The following ANK2 variants were observed in gnomAD, a reference collection of about 807,000 sequenced individuals.
The protein encoded by ANK2 is ankyrin 2, also known as ankyrin-2.
In ANK2, 83 loss-of-function variants were observed where a neutral mutation model predicts 360.5. That is an observed-to-expected ratio of 0.23 (90% CI 0.19 to 0.28). The LOEUF is 0.28. Among genes scored for constraint, ANK2 ranks in the 10% least tolerant of loss-of-function variants. The probability of loss-of-function intolerance (pLI) is 1.00; values close to 1 mark genes in which losing one functional copy is unlikely to be tolerated. For synonymous variants in ANK2, 1,740 were observed against 1,759.5 expected, an observed-to-expected ratio of 0.99 and a Z score of 0.28; for missense variants, 4,201 against 4,795.7, an observed-to-expected ratio of 0.88 and a Z score of 3.66.
intron 2 of ANK2, among the ~76,000 whole-genome samples, chr4:112,955,375 G>T (rs1374916606): frequency 1.3e-5 from 2 of 152,108 alleles, no homozygotes; most frequent in African/African-American, 4.8e-5. Context: ...CGAGGCAAAA[G>T]TGTTAATAGT....
At chr4:112,852,711 A>G (rs1267427772) in intron 1 of ANK2, among the ~76,000 whole-genome samples, 4 of 152,210 alleles carry the variant, frequency 2.6e-5, no homozygotes, top group Admixed American at 1.3e-4. Flanking sequence ...CTTCTGATGC[A>G]TTCCTTGTTG....
intron 40 of ANK2, 40 bp downstream of exon 40, chr4:113,363,509 C>A (rs755658945): frequency 6.2e-7 from 1 of 1,611,716 alleles, no homozygotes; most frequent in Non-Finnish European, 8.5e-7. Context: ...TAAAGTTGGA[C>A]ATGTCTTGCT....
In ANK2 at chr4:113,377,970, T is replaced by A. The variant is rs1589432157; in HGVS notation, c.11860-3487T>A. ...AACTTAAGTCTGCTTCTAGGAATTG[T>A]ATTTATTTATCGTTTCAAGTATATC... is the stretch of plus-strand genomic sequence containing the variant. On this transcript the variant is annotated intron_variant, in intron 45 of 45. Coordinates refer to ENST00000357077, the MANE Select transcript of ANK2 (RefSeq NM_001148.6). 1.3e-5 allele frequency: 4 copies of A among 300,638 alleles called. No individual in the cohort carries two copies. The South Asian group carries it at 1.5e-4, about 11-fold the overall frequency. The allele number at this position is 300,638 out of a possible 1,614,324, so 18.6% of individuals were successfully genotyped here.
At chr4:112,791,278 G>A in the ANK2 span, among the ~76,000 whole-genome samples, 4 of 152,130 alleles carry the variant, frequency 2.6e-5, no homozygotes, top group Admixed American at 2.0e-4. Context: ...CCCACAGTAG[G>A]AGAGGATTGC....
intron 1 of ANK2, among the ~76,000 whole-genome samples, chr4:112,863,853 A>G (rs973929559): frequency 2.0e-5 from 3 of 152,096 alleles, no homozygotes; most frequent in Admixed American, 6.5e-5. Flanking sequence ...TTTTTGATGT[A>G]GTGATGACTA....
the ANK2 span, among the ~76,000 whole-genome samples, chr4:112,733,420 T>C: frequency 6.6e-6 from 1 of 152,200 alleles, no homozygotes; most frequent in African/African-American, 2.4e-5. Context: ...CTGCTCCATA[T>C]GTAGCCCATA....
chr4:112,958,500 A>G (rs190362775), intron 2 of ANK2, among the ~76,000 whole-genome samples: 3,310 of 152,212 alleles, frequency 0.022, 128 homozygotes, highest in African/African-American at 0.074. Context: ...AGGCTGAGGC[A>G]GGAGAATCAG....
chr4:113,169,597 G>A (rs1054042612), intron 1 of ANK2, among the ~76,000 whole-genome samples: 3 of 152,146 alleles, frequency 2.0e-5, no homozygotes, highest in Admixed American at 6.6e-5. Context: ...CAGAGACTGT[G>A]ACGGGGGAGG....
At chr4:113,287,276 C>T (rs1209486631) in intron 18 of ANK2, among the ~76,000 whole-genome samples, 1 of 152,102 alleles carries the variant, frequency 6.6e-6, no homozygotes, top group African/African-American at 2.4e-5. Flanking sequence ...GTTGATACAG[C>T]GGGACATCCA....
At chr4:112,716,794 G>A in the ANK2 span, among the ~76,000 whole-genome samples, 1 of 152,126 alleles carries the variant, frequency 6.6e-6, no homozygotes, top group African/African-American at 2.4e-5. Context: ...ATACAAGAAT[G>A]TGGTAATAAC....
At chr4:113,019,306 T>C (rs1180727577) in intron 2 of ANK2, among the ~76,000 whole-genome samples, 1 of 152,218 alleles carries the variant, frequency 6.6e-6, no homozygotes, top group Non-Finnish European at 1.5e-5. Context: ...GTAAATAGAA[T>C]TATAAGCATA....
In ANK2 at chr4:113,311,260, G is replaced by A; in HGVS notation, c.2554G>A (p.Asp852Asn). Residue 852 changes from aspartate to asparagine, a missense_variant, in exon 24 of 46, where the codon GAC (aspartate) becomes AAC (asparagine). By Grantham distance (23) the Asp-to-Asn change is conservative. This residue lies in a region of ANK2 where 1,268 missense variants were observed against 1,650.8 expected (regional missense o/e 0.77). Coordinates refer to ENST00000357077, the MANE Select transcript of ANK2 (RefSeq NM_001148.6). ...VLDVSDEEGD[D>N]TMTGDGGEYL... ...CTTCCTCTGATTGTTTCAAGGTGAT[G>A]ACACAATGACTGGTGATGGGGGAGA... 2 of 1,614,118 alleles carry A rather than the reference G, an allele frequency of 1.2e-6. No individual in the cohort carries two copies. The highest frequency in any genetic ancestry group is 1.7e-6 in the Non-Finnish European group (2 of 1,180,014).
At chr4:113,007,122 G>A (rs183900211) in intron 2 of ANK2, among the ~76,000 whole-genome samples, 88 of 152,140 alleles carry the variant, frequency 5.8e-4, no homozygotes, top group African/African-American at 2.0e-3. Flanking sequence ...TTCTTTTTGG[G>A]TACATACTTT....
intron 2 of ANK2, among the ~76,000 whole-genome samples, chr4:113,189,033 A>G (rs555331706): frequency 2.0e-5 from 3 of 152,314 alleles, no homozygotes; most frequent in South Asian, 2.1e-4. Context: ...GGTTACCAGT[A>G]TTAATAAAAT....
intron 21 of ANK2, 42 bp from the exon 22 acceptor site, chr4:113,293,398 T>G (rs1250309137): frequency 1.9e-6 from 3 of 1,560,762 alleles, no homozygotes; most frequent in East Asian, 4.5e-5. Context: ...ATCGCAGTCC[T>G]CTCTCTTATT....
At chr4:113,148,752 G>A (rs1423690598) in intron 1 of ANK2, among the ~76,000 whole-genome samples, 2 of 152,192 alleles carry the variant, frequency 1.3e-5, no homozygotes, top group African/African-American at 4.8e-5. Context: ...GGGGGGATGA[G>A]GAAGCATGGT....
At chr4:113,072,430 G>A (rs1169965485) in intron 1 of ANK2, among the ~76,000 whole-genome samples, 1 of 152,174 alleles carries the variant, frequency 6.6e-6, no homozygotes, top group Admixed American at 6.5e-5. Context: ...GGGTAGAGAG[G>A]GGCAATGTTT....
At chr4:113,283,599 G>A (rs1378596813) in intron 18 of ANK2, among the ~76,000 whole-genome samples, 3 of 152,016 alleles carry the variant, frequency 2.0e-5, no homozygotes, top group Non-Finnish European at 4.4e-5. Flanking sequence ...ATTTTTACAA[G>A]TATATGTCTT....
chr4:112,712,280 A>G, the ANK2 span, among the ~76,000 whole-genome samples: 1 of 149,844 alleles, frequency 6.7e-6, no homozygotes, highest in East Asian at 2.0e-4. Flanking sequence ...GAGTTTCACT[A>G]TGTTGGCCAG....
Sources: allele counts gnomAD v4.1 joint callset (sites outside exome capture counted in the v4.1 genomes callset), GRCh38; gene constraint gnomAD v4.1.1; regional missense constraint gnomAD v4.1.1; transcripts MANE v1.5; gene names NCBI Gene and HGNC (gene_info 2026-07-23, HGNC 2026-07-21).